PTPRO: variants seen among roughly 807,000 people sequenced by gnomAD.
The protein encoded by PTPRO is receptor-type tyrosine-protein phosphatase O.
In PTPRO, 62 loss-of-function variants were observed where a neutral mutation model predicts 145.2. The ratio of observed to expected loss-of-function variants is 0.43; its 90% CI spans 0.35 to 0.53. The LOEUF (loss-of-function observed/expected upper bound fraction) is 0.53. PTPRO is among the 20% of genes least tolerant of loss of function. The pLI, the probability that PTPRO is intolerant of heterozygous loss-of-function variation, is 0.01. For missense variants in PTPRO, 1,345 were observed against 1,482.7 expected (o/e 0.91, Z 1.53); for synonymous variants, 565 against 514.7 (o/e 1.10, Z -1.32).
At chr12:15,371,693 C>T (rs1192881988) in intron 1 of PTPRO, among the ~76,000 whole-genome samples, 1 of 152,036 alleles carries the variant, frequency 6.6e-6, no homozygotes, top group Non-Finnish European at 1.5e-5. Flanking sequence ...CTTTGTTCCC[C>T]ACCCAAATCT....
At chr12:15,421,907 C>T (rs1225274636) in intron 1 of PTPRO, among the ~76,000 whole-genome samples, 2 of 152,032 alleles carry the variant, frequency 1.3e-5, no homozygotes, top group African/African-American at 4.8e-5. Flanking sequence ...AGGATTAGCA[C>T]CTATCTCATA....
At chr12:15,564,763 C>T (rs2135594077) in intron 17 of PTPRO, among the ~76,000 whole-genome samples, 1 of 152,180 alleles carries the variant, frequency 6.6e-6, no homozygotes, top group Admixed American at 6.5e-5. Context: ...AAATTACTTG[C>T]AAAAAAGTTT....
At chr12:15,567,708 G>A (rs1017542667) in intron 18 of PTPRO, among the ~76,000 whole-genome samples, 12 of 152,248 alleles carry the variant, frequency 7.9e-5, no homozygotes, top group African/African-American at 2.6e-4. Context: ...TCCAGGAGAG[G>A]AGTCCCAACT....
intron 1 of PTPRO, among the ~76,000 whole-genome samples, chr12:15,450,781 T>A (rs2014097): frequency 0.93 from 140,746 of 150,746 alleles, 66,287 homozygotes; most frequent in East Asian, 1. Flanking sequence ...TCAAAAAAAA[T>A]TTTTTTTTAA....
intron 1 of PTPRO, among the ~76,000 whole-genome samples, chr12:15,412,470 T>C (rs1939826943): frequency 6.6e-6 from 1 of 152,248 alleles, no homozygotes; most frequent in Non-Finnish European, 1.5e-5. Flanking sequence ...GTTTAGCTTT[T>C]GCTGCTGTTG....
rs527700598 is a variant in PTPRO at position 15,490,164 on chromosome 12, T to C, written c.349+5917T>C. ...AAGCTGCAAGCCAAGAGATCCTGAA[T>C]CCTGCATTGGAATAGAAAAATTATC... On this transcript the variant is annotated intron_variant, in intron 2 of 26. Coordinates refer to ENST00000281171, the MANE Select transcript of PTPRO (RefSeq NM_030667.3). Among the ~76,000 whole-genome samples, 18 of 152,294 alleles carry C rather than the reference T, an allele frequency of 1.2e-4. 1 individual carries two copies. Among genetic ancestry groups the C allele is most frequent in the African/African-American group, 4.3e-4 (18 of 41,568 alleles).
intron 1 of PTPRO, among the ~76,000 whole-genome samples, chr12:15,468,034 C>T (rs1941456281): frequency 6.6e-6 from 1 of 152,152 alleles, no homozygotes; most frequent in Non-Finnish European, 1.5e-5. Flanking sequence ...ATCTTGGGGG[C>T]TCTCATCTTA....
chr12:15,580,021 T>C lies in PTPRO; in HGVS notation c.2921-18T>C, dbSNP rs73068641. 0.044 allele frequency: 69,978 copies of C among 1,603,198 alleles called. 1,739 individuals are homozygous for C. Among genetic ancestry groups the C allele is most frequent in the Middle Eastern group, 0.058 (352 of 6,036 alleles). ...TCCATCTTGAATTTTAATATTTTTTTCTCCTTATTCTCTACAGATGACTTC... is the reference window on the plus strand; with the variant it reads ...TCCATCTTGAATTTTAATATTTTTTCCTCCTTATTCTCTACAGATGACTTC... On this transcript the variant is annotated intron_variant, in intron 20 of 26. Transcript: ENST00000281171.
chr12:15,582,653 G>C (rs911557101), intron 23 of PTPRO, among the ~76,000 whole-genome samples: 1 of 152,126 alleles, frequency 6.6e-6, no homozygotes, highest in Non-Finnish European at 1.5e-5. Context: ...GGGTATATAA[G>C]GCACACTTAT....
At chr12:15,437,329 G>C (rs150982979) in intron 1 of PTPRO, among the ~76,000 whole-genome samples, 1 of 151,800 alleles carries the variant, frequency 6.6e-6, no homozygotes, top group African/African-American at 2.4e-5. Context: ...CATGTGCAGA[G>C]ATCTTTGTGC....
chr12:15,387,180 T>C (rs749649033), intron 1 of PTPRO, among the ~76,000 whole-genome samples: 1 of 152,186 alleles, frequency 6.6e-6, no homozygotes, highest in Admixed American at 6.5e-5. Flanking sequence ...CCCACTTCAT[T>C]GCTTGCAGGG....
At position 15,520,213 on chromosome 12, in the gene PTPRO, C is replaced by T. The variant is rs746574149; in HGVS notation, c.1792C>T (p.Leu598=). The change falls in exon 10 of 27, where the codon CTG becomes TTG. Residue 598 remains leucine, a synonymous_variant. Coordinates refer to ENST00000281171, the MANE Select transcript of PTPRO (RefSeq NM_030667.3). ...SLTASVRIAN[L]LPAWYYNFRV... ...TTTTCTCATTCAGAGAATAGCTAATCTGCTGCCAGCATGGTACTACAACTT... is the reference window on the plus strand; with the variant it reads ...TTTTCTCATTCAGAGAATAGCTAATTTGCTGCCAGCATGGTACTACAACTT... The T allele has an allele frequency of 1.6e-5, 26 of 1,613,400 alleles. No homozygotes were observed. The South Asian group carries it at 2.4e-4, about 15-fold the overall frequency.
rs1469639334 is a variant in PTPRO at position 15,595,012 on chromosome 12, G to A, written c.3622G>A (p.Val1208Ile). 3 of 1,613,754 alleles carry A rather than the reference G, an allele frequency of 1.9e-6. No homozygotes were observed. The highest frequency in any genetic ancestry group is 3.3e-5 in the Admixed American group (2 of 59,998). Reference sequence around the variant, plus strand: ...GAAGCAGCAGTTCTGCATCAGTGATGTCATATACGAGAATGTTAGCAAGTC... The same window carrying A: ...GAAGCAGCAGTTCTGCATCAGTGATATCATATACGAGAATGTTAGCAAGTC... Reference protein sequence around the residue: ...KKKQQFCISDVIYENVSKS With the variant: ...KKKQQFCISDIIYENVSKS Residue 1208 changes from valine to isoleucine, a missense_variant, in exon 26 of 27, where the codon GTC becomes ATC. Physicochemically the swap from Val to Ile is conservative, Grantham distance 29 (BLOSUM62 3). Around this residue, in one of 3 missense-constraint regions of PTPRO, gnomAD observed 208 missense variants for 242.8 expected, o/e 0.86. Transcript: ENST00000281171.
intron 21 of PTPRO, 92 bp downstream of exon 21, chr12:15,580,207 G>T: frequency 3.0e-6 from 3 of 996,456 alleles, no homozygotes; most frequent in Non-Finnish European, 3.1e-6. Context: ...GTTCAAAAGA[G>T]AGCCTTTCCC....
intron 1 of PTPRO, among the ~76,000 whole-genome samples, chr12:15,414,239 G>A (rs1223273111): frequency 1.3e-5 from 2 of 152,138 alleles, no homozygotes; most frequent in Non-Finnish European, 2.9e-5. Context: ...TATGAACAAC[G>A]TTCATAACAT....
At chr12:15,452,360 G>A (rs1166100897) in intron 1 of PTPRO, among the ~76,000 whole-genome samples, 1 of 151,984 alleles carries the variant, frequency 6.6e-6, no homozygotes, top group African/African-American at 2.4e-5. Context: ...AAAAAAAATT[G>A]CCAACAACAA....
intron 12 of PTPRO, among the ~76,000 whole-genome samples, chr12:15,544,850 A>C (rs1346844977): frequency 6.6e-6 from 1 of 152,206 alleles, no homozygotes; most frequent in Non-Finnish European, 1.5e-5. Context: ...GGGACAATAC[A>C]ATGCCTGGAG....
chr12:15,483,381 T>C (rs115270728), intron 1 of PTPRO, among the ~76,000 whole-genome samples: 71 of 152,308 alleles, frequency 4.7e-4, no homozygotes, highest in African/African-American at 1.6e-3. Flanking sequence ...ATCCTCCATC[T>C]GGTCTCTTCC....
Position 15,360,833 on chromosome 12 carries a change from T to C in PTPRO, c.75+38032T>C. On this transcript the variant is annotated intron_variant, in intron 1 of 26. Coordinates refer to ENST00000281171, the MANE Select transcript of PTPRO (RefSeq NM_030667.3). The stretch of plus-strand genomic sequence containing the variant: ...ACGTGTGTATATATGTGTGTGTATA[T>C]ATATACGTGTGTATATATGTGTGTG... Among the ~76,000 whole-genome samples the C allele has an allele frequency of 1.4e-5, 2 of 143,798 alleles. 1 individual carries two copies. The highest frequency in any genetic ancestry group is 4.5e-4 in the South Asian group (2 of 4,484). 94.3% of individuals were successfully genotyped at this position (143,798 alleles called of 152,430 possible). A position where few individuals can be genotyped will look rare whatever the true frequency, so the allele number is the denominator to read the frequency against.
Sources: gnomAD v4.1 joint callset for allele counts (sites outside exome capture counted in the v4.1 genomes callset) on GRCh38, gnomAD v4.1.1 for gene constraint, gnomAD v4.1.1 regional missense constraint, MANE v1.5 for transcripts, NCBI Gene and HGNC (gene_info 2026-07-23, HGNC 2026-07-21) for gene names.